Variants in GPRC5A observed in about 807,000 individuals in gnomAD.
The protein encoded by GPRC5A is retinoic acid-induced protein 3.
Under a neutral mutation model 22.5 loss-of-function variants are expected in GPRC5A, and 19 were observed. The observed-to-expected ratio is 0.85, with a 90% CI of 0.59 to 1.24. The LOEUF is 1.24. Ranked by LOEUF, GPRC5A falls within the 50% of genes most tolerant of loss-of-function variation. The probability of loss-of-function intolerance (pLI) is 0.00; values close to 1 mark genes in which losing one functional copy is unlikely to be tolerated. For synonymous variants in GPRC5A, 192 were observed against 184.5 expected, an observed-to-expected ratio of 1.04 and a Z score of -0.33; for missense variants, 471 against 451.1, an observed-to-expected ratio of 1.04 and a Z score of -0.40.
chr12:12,892,872 A>G (rs141352492), intron 1 of GPRC5A, among the ~76,000 whole-genome samples: 232 of 152,178 alleles, frequency 1.5e-3, no homozygotes, highest in African/African-American at 5.2e-3. Context: ...CACTTCAGCT[A>G]CTTCAGACAC....
At chr12:12,894,801 CAG>C (rs1226511630) in intron 1 of GPRC5A, among the ~76,000 whole-genome samples, 2 of 44,264 alleles carry the variant, frequency 4.5e-5, no homozygotes, top group African/African-American at 1.0e-4. Flanking sequence ...TTTTTTGAGA[CAG>C]AGTCTCGCTC....
chr12:12,908,655 G>A lies in GPRC5A; in HGVS notation c.406G>A (p.Gly136Ser). Residue 136 changes from glycine to serine, a missense_variant, in exon 2 of 4, where the codon GGT (glycine) becomes AGT (serine). Transcript: ENST00000014914. ...GCCCCTTTCCCTGTTGGTGATTCTG[G>A]GTCTGGCCGTGGGCTTCAGCCTAGT... ...RKPLSLLVIL[G>S]LAVGFSLVQD... 1 of 1,613,854 alleles carries A rather than the reference G, an allele frequency of 6.2e-7. No homozygotes were observed. The highest frequency in any genetic ancestry group is 1.3e-5 in the African/African-American group (1 of 75,028).
At chr12:12,904,710 C>G (rs1178144489) in intron 1 of GPRC5A, among the ~76,000 whole-genome samples, 1 of 152,010 alleles carries the variant, frequency 6.6e-6, no homozygotes, top group Non-Finnish European at 1.5e-5. Context: ...CTTTAACACA[C>G]TATACATAAT....
At chr12:12,892,212 G>GT (rs1465938310) in intron 1 of GPRC5A, among the ~76,000 whole-genome samples, 1 of 152,080 alleles carries the variant, frequency 6.6e-6, no homozygotes, top group Non-Finnish European at 1.5e-5. Flanking sequence ...TTCCACTCTG[G>GT]TGTGCCTTGA....
chr12:12,911,768 G>A (rs777209132), intron 2 of GPRC5A, among the ~76,000 whole-genome samples: 11 of 152,112 alleles, frequency 7.2e-5, no homozygotes, highest in East Asian at 1.9e-4. Flanking sequence ...GATTACAGGC[G>A]TGAGCCACCA....
At chr12:12,902,478 C>G (rs1434817936) in intron 1 of GPRC5A, among the ~76,000 whole-genome samples, 1 of 151,818 alleles carries the variant, frequency 6.6e-6, no homozygotes, top group African/African-American at 2.4e-5. Flanking sequence ...GAGAGACGTT[C>G]TAGACTGGAC....
chr12:12,909,310 A>C, intron 2 of GPRC5A, 139 bp downstream of exon 2: 1 of 669,030 alleles, frequency 1.5e-6, no homozygotes, highest in Non-Finnish European at 2.5e-6. Context: ...TAAGGCTCAG[A>C]TCTTGCTTAA....
At chr12:12,902,579 C>T (rs1339534916) in intron 1 of GPRC5A, among the ~76,000 whole-genome samples, 1 of 150,984 alleles carries the variant, frequency 6.6e-6, no homozygotes, top group East Asian at 2.0e-4. Flanking sequence ...GCCTGGGGAA[C>T]ATAGCAAGAC....
Position 12,908,326 on chromosome 12 carries a change from C to T in GPRC5A, c.77C>T (p.Ala26Val). The change falls in exon 2 of 4, where the codon GCT (alanine) becomes GTT (valine). Residue 26 changes from alanine to valine, a missense_variant. Transcript: ENST00000014914. ...KYYRLCDKAE[A>V]WGIVLETVAT... ...TACAGACTTTGTGATAAGGCTGAAG[C>T]TTGGGGCATCGTCCTAGAAACGGTG... is the stretch of plus-strand genomic sequence containing the variant. The T allele has an allele frequency of 6.2e-7, 1 of 1,613,740 alleles. No homozygotes were observed. The highest frequency in any genetic ancestry group is 8.5e-7 in the Non-Finnish European group (1 of 1,179,784).
chr12:12,904,126 G>A lies in GPRC5A; in HGVS notation c.-7-4117G>A, dbSNP rs953121544. Among the ~76,000 whole-genome samples the A allele has an allele frequency of 7.9e-5, 12 of 152,192 alleles. No individual in the cohort carries two copies. The South Asian group carries it at 1.5e-3, about 18-fold the overall frequency. ...GGAGAGACACAGTGAAGTGCACAGG[G>A]CCTGAGTTCCTTCCGCTCGCCGCCC... On this transcript the variant is annotated intron_variant, in intron 1 of 3. Transcript: ENST00000014914.
intron 1 of GPRC5A, among the ~76,000 whole-genome samples, chr12:12,906,043 T>C (rs886989585): frequency 7.2e-5 from 11 of 152,086 alleles, no homozygotes; most frequent in Middle Eastern, 3.4e-3. Context: ...ATATCTCAGA[T>C]CTCATTTTAA....
At chr12:12,904,933 T>G (rs1170781589) in intron 1 of GPRC5A, among the ~76,000 whole-genome samples, 1 of 147,918 alleles carries the variant, frequency 6.8e-6, no homozygotes, top group African/African-American at 2.5e-5. Context: ...TCACCCAGCC[T>G]GGAGTGCAGT....
chr12:12,892,947 C>T (rs929614692), intron 1 of GPRC5A, among the ~76,000 whole-genome samples: 3 of 152,036 alleles, frequency 2.0e-5, no homozygotes, highest in African/African-American at 7.2e-5. Context: ...GTTTGCATGC[C>T]GGTGTCTGCT....
intron 1 of GPRC5A, among the ~76,000 whole-genome samples, chr12:12,901,409 G>A (rs1200681931): frequency 2.6e-5 from 4 of 152,114 alleles, no homozygotes; most frequent in Admixed American, 2.6e-4. Flanking sequence ...GAGGAAAGGT[G>A]GCTAGAACCA....
intron 1 of GPRC5A, among the ~76,000 whole-genome samples, chr12:12,904,784 ATATT>A (rs1444720025): frequency 6.6e-6 from 1 of 152,020 alleles, no homozygotes; most frequent in East Asian, 1.9e-4. Context: ...GTATATGTAT[ATATT>A]GCATATATAC....
At chr12:12,893,894 T>C (rs1246603386) in intron 1 of GPRC5A, among the ~76,000 whole-genome samples, 4 of 152,212 alleles carry the variant, frequency 2.6e-5, no homozygotes, top group African/African-American at 9.6e-5. Flanking sequence ...CCCAAGTAGC[T>C]GGGATTACAG....
rs1191366289 is a variant in GPRC5A, at chr12:12,900,907, A to AC, written c.-7-7336_-7-7335insC. On this transcript the variant is annotated intron_variant, in intron 1 of 3. Coordinates refer to ENST00000014914, the MANE Select transcript of GPRC5A (RefSeq NM_003979.4). ...ACTCCGTCTCAAAAAAAAAAAAAAA[A>AC]AAAAAACAAAAAAAAAACAACCCAG... is the stretch of plus-strand genomic sequence containing the variant. Among the ~76,000 whole-genome samples, 447 of 119,514 alleles carry AC rather than the reference A, an allele frequency of 3.7e-3. 2 individuals carry two copies. The highest frequency in any genetic ancestry group is 0.017 in the African/African-American group (433 of 24,874). 78.4% of individuals were successfully genotyped at this position (119,514 alleles called of 152,430 possible). A position where few individuals can be genotyped will look rare whatever the true frequency, so the allele number is the denominator to read the frequency against.
chr12:12,906,749 C>T (rs1231457328), intron 1 of GPRC5A, among the ~76,000 whole-genome samples: 1 of 151,824 alleles, frequency 6.6e-6, no homozygotes, highest in African/African-American at 2.4e-5. Context: ...TTAGTGGAGC[C>T]ATCTTTACAC....
chr12:12,903,534 G>A (rs939464596), intron 1 of GPRC5A, among the ~76,000 whole-genome samples: 7 of 152,164 alleles, frequency 4.6e-5, no homozygotes, highest in Non-Finnish European at 1.0e-4. Context: ...CGATCAGCCC[G>A]CTTCGGCCTC....
Sources: allele counts gnomAD v4.1 joint callset (sites outside exome capture counted in the v4.1 genomes callset), GRCh38; gene constraint gnomAD v4.1.1; transcripts MANE v1.5; gene names NCBI Gene and HGNC (gene_info 2026-07-23, HGNC 2026-07-21).